Variants in PDE4D observed in about 807,000 individuals in gnomAD.
The protein encoded by PDE4D is phosphodiesterase 4D.
PDE4D carries 24 observed loss-of-function variants against 87.4 expected under a neutral mutation model. That is an observed-to-expected ratio of 0.27 (90% CI 0.20 to 0.39). PDE4D has a LOEUF of 0.39. Among genes scored for constraint, PDE4D ranks in the 10% least tolerant of loss-of-function variants. PDE4D has a pLI of 1.00. For missense variants in PDE4D, 714 were observed against 1,041.0 expected (o/e 0.69, Z 4.32); for synonymous variants, 384 against 383.2 (o/e 1.00, Z -0.02).
intron 1 of PDE4D, among the ~76,000 whole-genome samples, chr5:60,391,503 C>T (rs1399581429): frequency 2.0e-5 from 3 of 152,150 alleles, no homozygotes; most frequent in Admixed American, 6.5e-5. Flanking sequence ...TCTCTTTCCT[C>T]GCCTTTTCCA....
intron 1 of PDE4D, among the ~76,000 whole-genome samples, chr5:60,249,786 C>T (rs1748217756): frequency 6.6e-6 from 1 of 151,900 alleles, no homozygotes; most frequent in Non-Finnish European, 1.5e-5. Flanking sequence ...ATTCATCACC[C>T]TTGTCACTCC....
chr5:60,179,699 C>T (rs1784225102), intron 2 of PDE4D, among the ~76,000 whole-genome samples: 2 of 151,922 alleles, frequency 1.3e-5, no homozygotes, highest in African/African-American at 4.8e-5. Context: ...AAAGTGCTGA[C>T]CATGGGAAAC....
At chr5:59,874,403 T>C (rs917638299) in intron 1 of PDE4D, among the ~76,000 whole-genome samples, 1 of 152,186 alleles carries the variant, frequency 6.6e-6, no homozygotes, top group African/African-American at 2.4e-5. Flanking sequence ...AGAATTCTAA[T>C]GTGTGCCAGA....
intron 1 of PDE4D, among the ~76,000 whole-genome samples, chr5:59,507,694 GAAAA>G (rs1344668514): frequency 1.4e-3 from 200 of 142,592 alleles, no homozygotes; most frequent in Middle Eastern, 3.6e-3. Context: ...GAAAAGAAAA[GAAAA>G]AAGAAAGATA....
chr5:59,065,508 C>CA (rs1173611418), intron 5 of PDE4D, among the ~76,000 whole-genome samples: 2 of 151,702 alleles, frequency 1.3e-5, no homozygotes, highest in Admixed American at 6.6e-5. Context: ...GAAAACAAAA[C>CA]AAAAAAACCC....
intron 2 of PDE4D, among the ~76,000 whole-genome samples, chr5:60,182,396 A>G (rs1784438115): frequency 6.6e-6 from 1 of 152,246 alleles, no homozygotes; most frequent in Non-Finnish European, 1.5e-5. Flanking sequence ...GTGACTTATT[A>G]AATCAATCAT....
At chr5:60,049,499 A>G (rs1769804511) in intron 2 of PDE4D, among the ~76,000 whole-genome samples, 1 of 152,026 alleles carries the variant, frequency 6.6e-6, no homozygotes, top group Non-Finnish European at 1.5e-5. Flanking sequence ...TTGTGGTTTT[A>G]TCTACTATTG....
chr5:59,958,291 A>G (rs568096570), intron 3 of PDE4D, among the ~76,000 whole-genome samples: 1 of 152,102 alleles, frequency 6.6e-6, no homozygotes, highest in South Asian at 2.1e-4. Flanking sequence ...ACATTTTTAC[A>G]CTCTTGGGCA....
intron 2 of PDE4D, among the ~76,000 whole-genome samples, chr5:60,077,973 T>C (rs1773500684): frequency 1.3e-5 from 2 of 152,130 alleles, no homozygotes; most frequent in Non-Finnish European, 2.9e-5. Context: ...GCCCAGCATC[T>C]GTGTCTTCCC....
At chr5:59,141,920 T>A (rs1384664670) in intron 5 of PDE4D, among the ~76,000 whole-genome samples, 1 of 152,198 alleles carries the variant, frequency 6.6e-6, no homozygotes, top group Non-Finnish European at 1.5e-5. Context: ...TCCCTTGTTT[T>A]CTTCCACTGA....
At chr5:60,127,670 G>A (rs137910836) in intron 2 of PDE4D, 5 of 594,928 alleles carry the variant, frequency 8.4e-6, no homozygotes, top group East Asian at 6.0e-5. Context: ...AAATCAGGTC[G>A]CAGTAAGCAG....
chr5:59,355,863 T>G (rs1378711720), intron 1 of PDE4D, among the ~76,000 whole-genome samples: 1 of 152,132 alleles, frequency 6.6e-6, no homozygotes, highest in African/African-American at 2.4e-5. Flanking sequence ...TGCAGGCAAA[T>G]CAGAACACAT....
intron 1 of PDE4D, among the ~76,000 whole-genome samples, chr5:59,340,275 G>A (rs72767734): frequency 0.08 from 12,108 of 152,114 alleles, 655 homozygotes; most frequent in Non-Finnish European, 0.12. Flanking sequence ...CTAGATCAAC[G>A]CTGTTCAGTA....
chr5:59,579,300 T>C (rs573749778), intron 1 of PDE4D, among the ~76,000 whole-genome samples: 1 of 152,254 alleles, frequency 6.6e-6, no homozygotes, highest in East Asian at 1.9e-4. Flanking sequence ...ATTACATTCA[T>C]CTGGGCATCC....
intron 3 of PDE4D, among the ~76,000 whole-genome samples, chr5:59,966,418 A>G (rs1760062663): frequency 6.6e-6 from 1 of 152,196 alleles, no homozygotes; most frequent in Non-Finnish European, 1.5e-5. Flanking sequence ...TGTAGATGAC[A>G]TATTTCTCTC....
intron 1 of PDE4D, among the ~76,000 whole-genome samples, chr5:60,190,084 C>T (rs568855111): frequency 2.6e-5 from 4 of 152,240 alleles, no homozygotes; most frequent in South Asian, 4.1e-4. Flanking sequence ...CAATCAAAGA[C>T]AACTCCAAAG....
intron 1 of PDE4D, among the ~76,000 whole-genome samples, chr5:59,336,017 C>T (rs776811602): frequency 6.6e-6 from 1 of 152,186 alleles, no homozygotes; most frequent in Non-Finnish European, 1.5e-5. Flanking sequence ...AGTGACATTG[C>T]TGGGAGAATA....
chr5:59,682,863 G>A (rs560744407), intron 1 of PDE4D, among the ~76,000 whole-genome samples: 1 of 152,240 alleles, frequency 6.6e-6, no homozygotes. Flanking sequence ...AAAACAATTG[G>A]CATGTAATTC....
At position 59,609,787 on chromosome 5, in the gene PDE4D, C is replaced by A. The variant is rs570034362; in HGVS notation, c.455+283381G>T. On this transcript the variant is annotated intron_variant, in intron 1 of 14. Coordinates refer to ENST00000340635, the MANE Select transcript of PDE4D (RefSeq NM_001104631.2). ...GAAAAAAGGAATCTGGTATGAATAA[C>A]CCGAACCTCAGCCACAAACTCTGAG... Among the ~76,000 whole-genome samples the A allele has an allele frequency of 1.2e-4, 18 of 152,260 alleles. No individual in the cohort carries two copies. The South Asian group carries it at 3.7e-3, about 32-fold the overall frequency.
Sources: allele counts gnomAD v4.1 joint callset (sites outside exome capture counted in the v4.1 genomes callset), GRCh38; gene constraint gnomAD v4.1.1; transcripts MANE v1.5; gene names NCBI Gene and HGNC (gene_info 2026-07-23, HGNC 2026-07-21).